Variants in NLRP11 observed in about 807,000 individuals in gnomAD.
The protein encoded by NLRP11 is NACHT, LRR and PYD domains-containing protein 11.
A neutral mutation model predicts 79.3 loss-of-function variants in NLRP11; 53 were observed. The observed-to-expected ratio is 0.67, with a 90% confidence interval of 0.54 to 0.84. The LOEUF (loss-of-function observed/expected upper bound fraction) is 0.84, where lower values mean the gene tolerates loss of function less well. Among genes scored for constraint, NLRP11 ranks in the 40% least tolerant of loss-of-function variants. The pLI is 0.00. For missense variants in NLRP11, 1,264 were observed against 1,255.0 expected (o/e 1.01, Z -0.11); for synonymous variants, 518 against 462.6 (o/e 1.12, Z -1.54).
chr19:55,836,042 T>A (rs1983236950), upstream of NLRP11, among the ~76,000 whole-genome samples: 1 of 152,218 alleles, frequency 6.6e-6, no homozygotes, highest in Non-Finnish European at 1.5e-5. Flanking sequence ...GAGAATCTCT[T>A]GAACCCGGGA....
intron 2 of NLRP11, among the ~76,000 whole-genome samples, chr19:55,811,673 G>A (rs1403584775): frequency 6.6e-6 from 1 of 151,856 alleles, no homozygotes; most frequent in African/African-American, 2.4e-5. Flanking sequence ...ATGACGTTTA[G>A]TATACAATAA....
chr19:55,792,170 G>A, intron 7 of NLRP11, 131 bp downstream of exon 7: 1 of 735,950 alleles, frequency 1.4e-6, no homozygotes. Flanking sequence ...GCCTATTCTG[G>A]GGAGCCCATG....
chr19:55,792,414 CA>C lies in NLRP11; in HGVS notation c.2399del (p.Leu800ArgfsTer6). ...CTAGTTGTCTTAGAGTTGGGCTGAA[CA>C]GAAGCACTCTTCCAAGGGCGCTGCA... On this transcript the variant is annotated frameshift_variant, in exon 7 of 10. Transcript: ENST00000589093. LOFTEE classifies it high-confidence loss of function. 1 of 1,614,140 alleles carries C rather than the reference CA, an allele frequency of 6.2e-7. No homozygotes were observed. Among genetic ancestry groups the C allele is most frequent in the Non-Finnish European group, 8.5e-7 (1 of 1,179,968 alleles).
At chr19:55,785,455 G>T in exon 10 of NLRP11, 1 of 617,694 alleles carries the variant, frequency 1.6e-6, no homozygotes. Context: ...ATACTCTTGA[G>T]ACAGTGTAGG....
At chr19:55,817,278 G>C (rs1179044171) in intron 2 of NLRP11, among the ~76,000 whole-genome samples, 2 of 152,116 alleles carry the variant, frequency 1.3e-5, no homozygotes, top group Admixed American at 6.5e-5. Flanking sequence ...ATTCCTTAAA[G>C]AACTAAAAGT....
rs1980407718 is a variant in NLRP11, at chr19:55,809,767, A to C, written c.843T>G (p.Arg281=). ...TCAAGAACGTTTTTACATTATTCCC[A>C]CGTGTGGGCCTTGAGGAGATGAGGA... Residue 281 remains arginine, a synonymous_variant, in exon 3 of 10, where the codon CGT becomes CGG. Transcript: ENST00000589093. This position sits in a 1 kb window ranked among gnomAD's most constrained non-coding sequence, Gnocchi z 4.5. 6.2e-7 allele frequency: 1 copy of C among 1,613,926 alleles called. No individual in the cohort carries two copies. Among genetic ancestry groups the C allele is most frequent in the African/African-American group, 1.3e-5 (1 of 74,892 alleles).
chr19:55,798,671 AAG>A (rs1420738187), intron 5 of NLRP11, among the ~76,000 whole-genome samples: 2 of 152,162 alleles, frequency 1.3e-5, no homozygotes, highest in African/African-American at 2.4e-5. Flanking sequence ...GTAAACTAAA[AAG>A]AGTTAAGTCT....
chr19:55,789,835 G>T (rs73616929), intron 7 of NLRP11, among the ~76,000 whole-genome samples: 1 of 152,076 alleles, frequency 6.6e-6, no homozygotes, highest in African/African-American at 2.4e-5. Flanking sequence ...CTATAAAGAG[G>T]ATTTTACCAA....
rs144741765 is a variant in NLRP11 at position 55,785,885 on chromosome 19, G to A, written c.2856-14C>T. The A allele has an allele frequency of 2.3e-3, 3,634 of 1,608,650 alleles. 6 individuals are homozygous for A. Among genetic ancestry groups the A allele is most frequent in the Middle Eastern group, 0.011 (68 of 6,022 alleles). ...GTTAATGGAAGCCTGAAGGAAAACAGAGAGAGAACGCCGTTAATGCTACAT... is the reference window on the plus strand; with the variant it reads ...GTTAATGGAAGCCTGAAGGAAAACAAAGAGAGAACGCCGTTAATGCTACAT... On this transcript the variant is annotated splice_polypyrimidine_tract_variant and intron_variant, in intron 9 of 9. Coordinates refer to ENST00000589093, the Ensembl canonical transcript of NLRP11.
intron 4 of NLRP11, among the ~76,000 whole-genome samples, 170 bp from the exon 5 acceptor site, chr19:55,801,909 T>C (rs1979519051): frequency 6.6e-6 from 1 of 152,312 alleles, no homozygotes; most frequent in East Asian, 1.9e-4. Flanking sequence ...TATTGCTAAT[T>C]CCAAGGTCAG....
chr19:55,828,664 G>GA (rs1249975667), intron 1 of NLRP11, among the ~76,000 whole-genome samples: 2 of 152,146 alleles, frequency 1.3e-5, no homozygotes, highest in African/African-American at 4.8e-5. Flanking sequence ...TAGATGGAAG[G>GA]AAAATGCAAG....
exon 4 of NLRP11, chr19:55,807,949 C>T (rs752154753): frequency 9.3e-6 from 15 of 1,610,830 alleles, no homozygotes; most frequent in South Asian, 4.4e-5. Context: ...ATGCAGCTCC[C>T]GGAGGCTCTC....
At chr19:55,816,205 C>A (rs1981098935) in intron 2 of NLRP11, among the ~76,000 whole-genome samples, 2 of 152,168 alleles carry the variant, frequency 1.3e-5, no homozygotes, top group South Asian at 4.1e-4. Context: ...TATTCCATGC[C>A]ATTGGAAGCC....
intron 4 of NLRP11, among the ~76,000 whole-genome samples, chr19:55,802,130 C>T (rs1327431873): frequency 6.6e-6 from 1 of 152,110 alleles, no homozygotes; most frequent in Admixed American, 6.6e-5. Context: ...CACAATCAAC[C>T]ACATGTAAAT....
At chr19:55,796,789 A>C (rs1045232112) in intron 5 of NLRP11, among the ~76,000 whole-genome samples, 5 of 151,494 alleles carry the variant, frequency 3.3e-5, no homozygotes, top group Non-Finnish European at 7.4e-5. Context: ...CGGGTTTTTA[A>C]GCGATTCTCC....
In NLRP11 at chr19:55,809,265, T is replaced by C; in HGVS notation, c.1345A>G (p.Ile449Val). 1 of 1,614,090 alleles carries C rather than the reference T, an allele frequency of 6.2e-7. No homozygotes were observed. Among genetic ancestry groups the C allele is most frequent in the Non-Finnish European group, 8.5e-7 (1 of 1,179,924 alleles). Residue 449 changes from isoleucine (I) to valine (V), a missense_variant, in exon 3 of 10, where the codon ATA (isoleucine) becomes GTA (valine). Physicochemically the swap from Ile to Val is conservative, Grantham distance 29. Transcript: ENST00000589093. The surrounding 1 kb of genome is among the most constrained non-coding windows in gnomAD (Gnocchi z 4.5). Reference sequence around the variant, plus strand: ...CAAAACTCCTGGACGTTCAAGTGTATGAACTTGTAACGGTCTTTATGAGTG... The same window carrying C: ...CAAAACTCCTGGACGTTCAAGTGTACGAACTTGTAACGGTCTTTATGAGTG...
At chr19:55,790,353 T>C (rs1315467119) in intron 7 of NLRP11, among the ~76,000 whole-genome samples, 1 of 152,188 alleles carries the variant, frequency 6.6e-6, no homozygotes, top group Non-Finnish European at 1.5e-5. Flanking sequence ...CACAAATGCA[T>C]GCATGAAACA....
At chr19:55,803,042 T>G (rs1348027274) in intron 4 of NLRP11, among the ~76,000 whole-genome samples, 1 of 151,910 alleles carries the variant, frequency 6.6e-6, no homozygotes, top group Non-Finnish European at 1.5e-5. Context: ...CAAAATGAAG[T>G]GCAAAACTAT....
chr19:55,829,546 A>C (rs1446708055), intron 1 of NLRP11, among the ~76,000 whole-genome samples: 1 of 151,396 alleles, frequency 6.6e-6, no homozygotes, highest in Non-Finnish European at 1.5e-5. Context: ...ACGCGCCTGT[A>C]GTCCCAGCTA....
Sources: allele counts gnomAD v4.1 joint callset (sites outside exome capture counted in the v4.1 genomes callset), GRCh38; gene constraint gnomAD v4.1.1; non-coding constraint Gnocchi (gnomAD v3.1); transcripts MANE v1.5; gene names NCBI Gene and HGNC (gene_info 2026-07-23, HGNC 2026-07-21).